Variants in SHISA9 observed in about 807,000 individuals in gnomAD.
SHISA9 encodes shisa family member 9.
A neutral mutation model predicts 38.0 loss-of-function variants in SHISA9; 13 were observed. The observed-to-expected ratio is 0.34, with a 90% CI of 0.22 to 0.54. The LOEUF (loss-of-function observed/expected upper bound fraction) is 0.54. SHISA9 is among the 20% of genes least tolerant of loss of function. The pLI, the probability that SHISA9 is intolerant of heterozygous loss-of-function variation, is 0.91. For synonymous variants in SHISA9, 275 were observed against 242.0 expected (o/e 1.14, Z -1.27); for missense variants, 538 against 575.8 (o/e 0.93, Z 0.67).
intron 2 of SHISA9, among the ~76,000 whole-genome samples, chr16:13,180,411 C>T (rs2050767061): frequency 6.6e-6 from 1 of 152,138 alleles, no homozygotes; most frequent in Non-Finnish European, 1.5e-5. Flanking sequence ...AAAAGATAAA[C>T]TGATCAGCCA....
intron 2 of SHISA9, among the ~76,000 whole-genome samples, chr16:13,100,935 A>T (rs576436813): frequency 6.6e-6 from 1 of 152,238 alleles, no homozygotes; most frequent in South Asian, 2.1e-4. Context: ...ACCTCAGGTG[A>T]TCTGCCCACC....
chr16:13,118,365 A>G (rs1473897506), intron 2 of SHISA9, among the ~76,000 whole-genome samples: 1 of 152,100 alleles, frequency 6.6e-6, no homozygotes, highest in Non-Finnish European at 1.5e-5. Flanking sequence ...CTGAGCCCTA[A>G]AGAGCAAGGA....
At chr16:13,031,998 T>G (rs2072996219) in intron 2 of SHISA9, among the ~76,000 whole-genome samples, 1 of 151,772 alleles carries the variant, frequency 6.6e-6, no homozygotes, top group African/African-American at 2.4e-5. Flanking sequence ...TCTATCCAAC[T>G]TTCAACTTTT....
chr16:13,404,089 C>G, the SHISA9 span, among the ~76,000 whole-genome samples: 3 of 152,204 alleles, frequency 2.0e-5, no homozygotes, highest in African/African-American at 7.2e-5. Flanking sequence ...ATGTCAGGAA[C>G]TTTCCTCTAT....
the SHISA9 span, among the ~76,000 whole-genome samples, chr16:13,495,688 A>T: frequency 1.3e-5 from 2 of 151,986 alleles, no homozygotes; most frequent in Non-Finnish European, 2.9e-5. Flanking sequence ...TAAAGGAAAA[A>T]GTATATAATA....
intron 2 of SHISA9, among the ~76,000 whole-genome samples, chr16:12,971,862 T>G (rs12445256): frequency 0.39 from 58,575 of 152,026 alleles, 11,709 homozygotes; most frequent in Middle Eastern, 0.52. Flanking sequence ...GGTACCCAGG[T>G]TTATTCCTTT....
chr16:13,222,985 C>T (rs531920864), intron 4 of SHISA9, among the ~76,000 whole-genome samples: 1 of 152,312 alleles, frequency 6.6e-6, no homozygotes, highest in East Asian at 1.9e-4. Context: ...ACACGATTCT[C>T]TTCAATACTC....
At chr16:13,489,124 A>G in the SHISA9 span, among the ~76,000 whole-genome samples, 41 of 151,914 alleles carry the variant, frequency 2.7e-4, 1 homozygote, top group African/African-American at 4.1e-4. Flanking sequence ...TCAGCTCACT[A>G]CAACCTCCAC....
intron 4 of SHISA9, among the ~76,000 whole-genome samples, chr16:13,217,094 A>G (rs138280244): frequency 0.19 from 28,577 of 149,020 alleles, 2,909 homozygotes; most frequent in East Asian, 0.38. Context: ...ACACGGTGAA[A>G]CCCCATCTCT....
chr16:13,401,387 T>C, the SHISA9 span, among the ~76,000 whole-genome samples: 42,082 of 152,130 alleles, frequency 0.28, 6,706 homozygotes, highest in East Asian at 0.52. Flanking sequence ...ATGATAGAAC[T>C]GAGGCTGAGC....
the SHISA9 span, among the ~76,000 whole-genome samples, chr16:13,365,921 C>T: frequency 1.3e-5 from 2 of 152,106 alleles, no homozygotes; most frequent in Non-Finnish European, 2.9e-5. Context: ...AAATTAAGGA[C>T]AAGAATGGAA....
intron 2 of SHISA9, among the ~76,000 whole-genome samples, chr16:12,984,575 C>A (rs919437365): frequency 1.3e-5 from 2 of 152,124 alleles, no homozygotes; most frequent in African/African-American, 2.4e-5. Flanking sequence ...TTGAGGTGAT[C>A]TTCAGAATAT....
chr16:12,990,209 C>G (rs1274680351), intron 2 of SHISA9, among the ~76,000 whole-genome samples: 1 of 152,166 alleles, frequency 6.6e-6, no homozygotes, highest in Non-Finnish European at 1.5e-5. Flanking sequence ...GATTCCATGT[C>G]TTTGCTATTG....
At chr16:13,023,973 C>G (rs2072889853) in intron 2 of SHISA9, among the ~76,000 whole-genome samples, 1 of 152,186 alleles carries the variant, frequency 6.6e-6, no homozygotes, top group African/African-American at 2.4e-5. Context: ...GATTTACCAC[C>G]TACAACTCTG....
the SHISA9 span, among the ~76,000 whole-genome samples, chr16:13,386,019 A>G: frequency 6.6e-6 from 1 of 152,192 alleles, no homozygotes; most frequent in Non-Finnish European, 1.5e-5. Flanking sequence ...GTAAGAAAGG[A>G]CACCATAAGG....
chr16:13,342,826 C>T, the SHISA9 span, among the ~76,000 whole-genome samples: 1 of 152,168 alleles, frequency 6.6e-6, no homozygotes, highest in Non-Finnish European at 1.5e-5. Context: ...CTCCACCATA[C>T]TTTCCTGGCA....
chr16:12,943,776 T>C (rs1436505677), intron 2 of SHISA9, among the ~76,000 whole-genome samples: 1 of 152,186 alleles, frequency 6.6e-6, no homozygotes, highest in Non-Finnish European at 1.5e-5. Flanking sequence ...CATTTGTAGA[T>C]ATTGATGAGG....
chr16:13,224,683 CA>C (rs1421489603), intron 4 of SHISA9, among the ~76,000 whole-genome samples: 2 of 151,964 alleles, frequency 1.3e-5, no homozygotes, highest in African/African-American at 2.4e-5. Flanking sequence ...CACAAGTAAC[CA>C]AAAAAGATAA....
Position 12,908,510 on chromosome 16 carries a change from C to G in SHISA9, c.563+5883C>G, listed in dbSNP as rs188804879. ...TGACAATCTGCTGTTTATGGAGGCACAGATTTCTTTCCAAGAGGACGAACC... is the reference window on the plus strand; with the variant it reads ...TGACAATCTGCTGTTTATGGAGGCAGAGATTTCTTTCCAAGAGGACGAACC... On this transcript the variant is annotated intron_variant, in intron 1 of 4. Transcript: ENST00000558583. 1.3e-4 allele frequency: 208 copies of G among 1,552,242 alleles called. No individual in the cohort carries two copies. In the African/African-American group the frequency reaches 2.5e-3, roughly 19 times the overall value.
Sources: allele counts gnomAD v4.1 joint callset (sites outside exome capture counted in the v4.1 genomes callset), GRCh38; gene constraint gnomAD v4.1.1; transcripts MANE v1.5; gene names NCBI Gene and HGNC (gene_info 2026-07-23, HGNC 2026-07-21).